DOK1: variants seen among roughly 807,000 people sequenced by gnomAD.
The protein encoded by DOK1 is Downstream of tyrosine kinase 1.
A neutral mutation model predicts 24.0 loss-of-function variants in DOK1; 12 were observed. The observed-to-expected ratio is 0.50, with a 90% CI of 0.32 to 0.81. The LOEUF (loss-of-function observed/expected upper bound fraction) is 0.81, where lower values mean the gene tolerates loss of function less well. DOK1 is among the 30% of genes least tolerant of loss of function. The probability of loss-of-function intolerance (pLI) is 0.03; values close to 1 mark genes in which losing one functional copy is unlikely to be tolerated. For synonymous variants in DOK1, 250 were observed against 260.9 expected, an observed-to-expected ratio of 0.96 and a Z score of 0.40; for missense variants, 591 against 620.7, an observed-to-expected ratio of 0.95 and a Z score of 0.51.
At chr2:74,552,911 T>A, upstream of DOK1, 1 of 420,788 alleles carries the variant, frequency 2.4e-6, no homozygotes, top group Non-Finnish European at 4.2e-6. Flanking sequence ...CAGAGAAGGG[T>A]CAATAAAAAG....
upstream of DOK1, chr2:74,552,856 C>A (rs140482525): frequency 5.8e-4 from 309 of 528,754 alleles, no homozygotes; most frequent in Non-Finnish European, 9.7e-4. Flanking sequence ...AGAGGCACAG[C>A]CTGAGAGACC....
At chr2:74,554,554 G>T, upstream of DOK1, 1 of 601,040 alleles carries the variant, frequency 1.7e-6, no homozygotes, top group Non-Finnish European at 2.9e-6. The surrounding 1 kb of genome is among the most constrained non-coding windows in gnomAD (Gnocchi z 4.9). Flanking sequence ...GCGGGTAGGG[G>T]CCTGGGGTGC....
chr2:74,555,028 T>C lies in DOK1; in HGVS notation c.61-126T>C. On this transcript the variant is annotated intron_variant, in intron 1 of 4. Transcript: ENST00000233668. This position sits in a 1 kb window ranked among gnomAD's most constrained non-coding sequence, Gnocchi z 6.1. The stretch of plus-strand genomic sequence containing the variant: ...CGGAGTGGCATCGTCCTTGGGAAAC[T>C]TCGCCCCCAACCCCGTTTGGAAGCC... The C allele has an allele frequency of 7.1e-7, 1 of 1,403,888 alleles. No individual in the cohort carries two copies. The highest frequency in any genetic ancestry group is 9.6e-7 in the Non-Finnish European group (1 of 1,041,232). 87.0% of individuals were successfully genotyped at this position (1,403,888 alleles called of 1,614,324 possible).
upstream of DOK1, among the ~76,000 whole-genome samples, chr2:74,553,280 C>T (rs149557353): frequency 0.014 from 2,062 of 152,254 alleles, 27 homozygotes; most frequent in Non-Finnish European, 0.022. Flanking sequence ...AGAGTCCTAA[C>T]CCAGCAGATT....
At position 74,557,169 on chromosome 2, in the gene DOK1, G is replaced by C; in HGVS notation, c.*55G>C. ...GGGACCATGGGGAGGTGGCACTAGG[G>C]ATCAAAGAAGATGGTTAGAACCAGC... is the stretch of plus-strand genomic sequence containing the variant. On this transcript the variant is annotated 3_prime_UTR_variant, in exon 5 of 5. Transcript: ENST00000233668. The C allele has an allele frequency of 6.5e-7, 1 of 1,528,622 alleles. No homozygotes were observed. Among genetic ancestry groups the C allele is most frequent in the African/African-American group, 1.4e-5 (1 of 72,526 alleles). The allele number at this position is 1,528,622 out of a possible 1,614,324, so 94.7% of individuals were successfully genotyped here.
upstream of DOK1, chr2:74,554,669 G>A (rs542675607): frequency 9.9e-6 from 14 of 1,414,704 alleles, no homozygotes; most frequent in East Asian, 3.2e-4. The surrounding 1 kb of genome is among the most constrained non-coding windows in gnomAD (Gnocchi z 4.9). Context: ...GGGGAGGGGC[G>A]GAAACTCCTC....
At chr2:74,552,768 A>G (rs1677102066), upstream of DOK1, 6 of 860,300 alleles carry the variant, frequency 7.0e-6, no homozygotes, top group Non-Finnish European at 1.0e-5. Flanking sequence ...ACAGCGAGAG[A>G]CAACAGGAGA....
chr2:74,557,015 C>T lies in DOK1; in HGVS notation c.1347C>T (p.Tyr449=), dbSNP rs1224470396. The change falls in exon 5 of 5, where the codon TAC becomes TAT. Residue 449 remains tyrosine, a synonymous_variant. Coordinates refer to ENST00000233668, the MANE Select transcript of DOK1 (RefSeq NM_001381.5). ...SGIKSHNSAL[Y]SQVQKSGASG... is the part of the protein sequence containing the mutation. ...TCAAAAGCCACAACTCAGCCCTGTA[C>T]AGCCAGGTCCAGAAGAGCGGGGCCT... 6.2e-7 allele frequency: 1 copy of T among 1,614,246 alleles called. No homozygotes were observed. The highest frequency in any genetic ancestry group is 8.5e-7 in the Non-Finnish European group (1 of 1,180,054).
In DOK1 at chr2:74,549,372, T is replaced by C. The variant is rs1234268782; in HGVS notation, c.-358+200T>C. 2 of 1,600,574 alleles carry C rather than the reference T, an allele frequency of 1.2e-6. No individual in the cohort carries two copies. The highest frequency in any genetic ancestry group is 2.7e-5 in the African/African-American group (2 of 74,644). ...CCCGGCGCCCGCGGCCCCTCACCTG[T>C]AGAAGGCCGCGTTGACCCTCTTTTC... On this transcript the variant is annotated intron_variant, in intron 1 of 4. Transcript: ENST00000409429. The surrounding 1 kb of genome is among the most constrained non-coding windows in gnomAD (Gnocchi z 5.3).
chr2:74,551,860 C>G (rs1210896213), upstream of DOK1, among the ~76,000 whole-genome samples: 3 of 152,244 alleles, frequency 2.0e-5, no homozygotes, highest in Non-Finnish European at 4.4e-5. Context: ...TATACTTGTC[C>G]TTAGACAGTA....
chr2:74,549,951 G>A (rs1305821161), upstream of DOK1: 3 of 985,482 alleles, frequency 3.0e-6, no homozygotes, highest in South Asian at 1.4e-4. This position sits in a 1 kb window ranked among gnomAD's most constrained non-coding sequence, Gnocchi z 5.3. Context: ...TGCCCCAGGG[G>A]TGACTAGGGA....
Position 74,549,530 on chromosome 2 carries a change from C to A in DOK1, c.-358+358C>A. 4 of 1,613,100 alleles carry A rather than the reference C, an allele frequency of 2.5e-6. No homozygotes were observed. The highest frequency in any genetic ancestry group is 3.4e-6 in the Non-Finnish European group (4 of 1,179,356). On this transcript the variant is annotated intron_variant, in intron 1 of 4. Coordinates refer to the DOK1 transcript ENST00000409429. The surrounding 1 kb of genome is among the most constrained non-coding windows in gnomAD (Gnocchi z 5.3). ...CCGTCACGGGCAGGGGTCGTCTGCCCCACCCAACGGCGGGTCGAATTCGCA... is the reference window on the plus strand; with the variant it reads ...CCGTCACGGGCAGGGGTCGTCTGCCACACCCAACGGCGGGTCGAATTCGCA...
upstream of DOK1, among the ~76,000 whole-genome samples, chr2:74,553,364 C>T (rs966242841): frequency 4.6e-5 from 7 of 152,210 alleles, no homozygotes; most frequent in African/African-American, 1.4e-4. Context: ...CGCAGGCTCT[C>T]AGATGCCCTG....
chr2:74,550,345 C>T (rs73949682), upstream of DOK1: 484 of 1,612,502 alleles, frequency 3.0e-4, 1 homozygote, highest in Non-Finnish European at 3.7e-4. Flanking sequence ...CAGCCAGATG[C>T]GGCCTGTGGA....
At chr2:74,552,631 G>T (rs370437226), upstream of DOK1, 88 of 1,549,402 alleles carry the variant, frequency 5.7e-5, no homozygotes, top group Middle Eastern at 1.7e-4. Flanking sequence ...CTGACAGGTC[G>T]CATGGCAGGG....
chr2:74,552,541 C>T (rs748837090), upstream of DOK1: 7 of 1,612,768 alleles, frequency 4.3e-6, no homozygotes, highest in Admixed American at 3.3e-5. Context: ...TTCTCAGGGC[C>T]CGTGGAAGGG....
rs1455007028 is a variant in DOK1 at position 74,555,292 on chromosome 2, C to T, written c.199C>T (p.Leu67=). The T allele has an allele frequency of 6.2e-7, 1 of 1,614,122 alleles. No individual in the cohort carries two copies. Among genetic ancestry groups the T allele is most frequent in the Admixed American group, 1.7e-5 (1 of 60,026 alleles). Reference sequence around the variant, plus strand: ...CCGCCTGGACTGCAAAGTGATCCGTCTGGCTGAGTGTGTGAGTGTGGCCCC... The same window carrying T: ...CCGCCTGGACTGCAAAGTGATCCGTTTGGCTGAGTGTGTGAGTGTGGCCCC... ...SRRLDCKVIR[L]AECVSVAPVT... is the part of the protein sequence containing the mutation. Residue 67 remains leucine, a synonymous_variant, in exon 2 of 5, where the codon CTG becomes TTG. Coordinates refer to ENST00000233668, the MANE Select transcript of DOK1 (RefSeq NM_001381.5). The surrounding 1 kb of genome is among the most constrained non-coding windows in gnomAD (Gnocchi z 6.1).
In DOK1 at chr2:74,555,731, G is replaced by A; in HGVS notation, c.454+63G>A. ...GAGGAGGAGGGCCGAGGGCCTTTGG[G>A]AAGTGGGTGGATACCCAGGGGCCCA... is the stretch of plus-strand genomic sequence containing the variant. On this transcript the variant is annotated intron_variant, in intron 3 of 4. Transcript: ENST00000233668. This position sits in a 1 kb window ranked among gnomAD's most constrained non-coding sequence, Gnocchi z 6.1. 6 of 1,608,618 alleles carry A rather than the reference G, an allele frequency of 3.7e-6. No individual in the cohort carries two copies. The highest frequency in any genetic ancestry group is 5.1e-6 in the Non-Finnish European group (6 of 1,177,904).
At chr2:74,552,595 G>A (rs374069539), upstream of DOK1, 46 of 1,589,528 alleles carry the variant, frequency 2.9e-5, no homozygotes, top group Non-Finnish European at 3.9e-5. Context: ...CACAGCAGCA[G>A]CCCCCAGGGG....
Sources: allele counts gnomAD v4.1 joint callset (sites outside exome capture counted in the v4.1 genomes callset), GRCh38; gene constraint gnomAD v4.1.1; non-coding constraint Gnocchi (gnomAD v3.1); transcripts MANE v1.5; gene names NCBI Gene and HGNC (gene_info 2026-07-23, HGNC 2026-07-21).